PRDM5: variants seen among roughly 807,000 people sequenced by gnomAD.
The protein encoded by PRDM5 is PR domain zinc finger protein 5.
PRDM5 carries 56 observed loss-of-function variants against 81.2 expected under a neutral mutation model. The observed-to-expected ratio is 0.69, with a 90% CI of 0.56 to 0.86. The LOEUF is 0.86. Ranked by LOEUF, PRDM5 falls within the 40% of genes least tolerant of loss-of-function variation. The probability of loss-of-function intolerance (pLI) is 0.00; values close to 1 mark genes in which losing one functional copy is unlikely to be tolerated. For synonymous variants in PRDM5, 267 were observed against 256.4 expected (o/e 1.04, Z -0.39); for missense variants, 697 against 770.1 (o/e 0.91, Z 1.12).
At chr4:120,702,274 A>T (rs978417849) in intron 15 of PRDM5, among the ~76,000 whole-genome samples, 2 of 152,164 alleles carry the variant, frequency 1.3e-5, no homozygotes, top group Non-Finnish European at 2.9e-5. Flanking sequence ...TGCTACTTGT[A>T]AGGTAATCAC....
intron 2 of PRDM5, among the ~76,000 whole-genome samples, chr4:120,893,421 T>G (rs1011874837): frequency 1.3e-5 from 2 of 152,234 alleles, no homozygotes; most frequent in Non-Finnish European, 2.9e-5. Context: ...CTGTCAATGG[T>G]GCACATGAGC....
rs541883119 is a variant in PRDM5, at chr4:120,809,645, C to G, written c.945+1725G>C. Among the ~76,000 whole-genome samples, 27 of 152,202 alleles carry G rather than the reference C, an allele frequency of 1.8e-4. No individual in the cohort carries two copies. The South Asian group carries it at 5.4e-3, about 30-fold the overall frequency. On this transcript the variant is annotated intron_variant, in intron 8 of 15. Transcript: ENST00000264808. ...AGATAATAAATAGTAATTTAAGATA[C>G]TAGACTATAGTATAATTTGGCATTG...
Position 120,775,979 on chromosome 4 carries a change from G to A in PRDM5, c.1537+1209C>T, listed in dbSNP as rs73845498. On this transcript the variant is annotated intron_variant, in intron 13 of 15. Coordinates refer to ENST00000264808, the MANE Select transcript of PRDM5 (RefSeq NM_018699.4). ...CCATCAGTACCTGGTGCCACCGGCCGTTGGCACAATTTTAAGTACACCTGC... is the reference window on the plus strand; with the variant it reads ...CCATCAGTACCTGGTGCCACCGGCCATTGGCACAATTTTAAGTACACCTGC... Among the ~76,000 whole-genome samples, 1,339 of 152,138 alleles carry A rather than the reference G, an allele frequency of 8.8e-3. 23 individuals are homozygous for A. The highest frequency in any genetic ancestry group is 0.03 in the African/African-American group (1,255 of 41,522).
At chr4:120,737,679 T>C (rs1343475246) in intron 14 of PRDM5, among the ~76,000 whole-genome samples, 1 of 152,164 alleles carries the variant, frequency 6.6e-6, no homozygotes, top group Admixed American at 6.5e-5. Context: ...GTCAAGTCTT[T>C]AGTGAGAAGG....
At chr4:120,784,337 C>A (rs1749451673) in intron 11 of PRDM5, among the ~76,000 whole-genome samples, 1 of 152,028 alleles carries the variant, frequency 6.6e-6, no homozygotes, top group Non-Finnish European at 1.5e-5. Context: ...AAGAAGAAAT[C>A]TGAGACAGTA....
At chr4:120,691,337 A>T (rs1734039704), downstream of PRDM5, among the ~76,000 whole-genome samples, 1 of 152,266 alleles carries the variant, frequency 6.6e-6, no homozygotes, top group Admixed American at 6.5e-5. Context: ...AAGCTAGCTA[A>T]GGCTATGAGT....
chr4:120,744,607 G>C (rs192037209), intron 14 of PRDM5, among the ~76,000 whole-genome samples: 1 of 152,070 alleles, frequency 6.6e-6, no homozygotes, highest in Non-Finnish European at 1.5e-5. Flanking sequence ...ATATTACCAC[G>C]GATCCCACAG....
intron 14 of PRDM5, among the ~76,000 whole-genome samples, chr4:120,753,263 A>C (rs1744263384): frequency 6.6e-6 from 1 of 152,214 alleles, no homozygotes; most frequent in Admixed American, 6.5e-5. Flanking sequence ...CCTCTTTCAT[A>C]ATACTCATTG....
intron 7 of PRDM5, among the ~76,000 whole-genome samples, chr4:120,814,206 T>C (rs1341020343): frequency 6.6e-6 from 1 of 152,276 alleles, no homozygotes; most frequent in Admixed American, 6.5e-5. Context: ...GCTTAGCCCC[T>C]TCACTCTGTT....
intron 14 of PRDM5, among the ~76,000 whole-genome samples, chr4:120,741,247 T>A (rs1425337587): frequency 6.6e-6 from 1 of 152,082 alleles, no homozygotes; most frequent in East Asian, 1.9e-4. Flanking sequence ...GCTAGGAAAA[T>A]TATTCTTGCC....
At chr4:120,785,340 T>C (rs1401681041) in intron 10 of PRDM5, among the ~76,000 whole-genome samples, 4 of 152,232 alleles carry the variant, frequency 2.6e-5, no homozygotes, top group Admixed American at 2.6e-4. Context: ...ATATTCCTAT[T>C]ATCTCAAACT....
chr4:120,915,275 C>T (rs1050684565), intron 1 of PRDM5, among the ~76,000 whole-genome samples: 4 of 152,106 alleles, frequency 2.6e-5, no homozygotes, highest in Non-Finnish European at 5.9e-5. Flanking sequence ...TACCTGTGGC[C>T]AGTGCCCTAC....
At chr4:120,870,177 CTGCTGG>C (rs1761630272) in intron 2 of PRDM5, among the ~76,000 whole-genome samples, 1 of 151,898 alleles carries the variant, frequency 6.6e-6, no homozygotes, top group South Asian at 2.1e-4. Flanking sequence ...AAGTGGAGGC[CTGCTGG>C]TCTCAAACTC....
chr4:120,736,856 G>A (rs1387473221), intron 14 of PRDM5, among the ~76,000 whole-genome samples: 1 of 152,202 alleles, frequency 6.6e-6, no homozygotes, highest in East Asian at 1.9e-4. Context: ...CACAGATAGT[G>A]ACTAGTTGTA....
intron 15 of PRDM5, among the ~76,000 whole-genome samples, chr4:120,708,813 T>C (rs536208997): frequency 1.3e-5 from 2 of 152,004 alleles, no homozygotes; most frequent in South Asian, 4.2e-4. Flanking sequence ...GGAGAGAGAT[T>C]GGAGTGGGGT....
chr4:120,712,790 A>C (rs184339978), intron 14 of PRDM5, among the ~76,000 whole-genome samples: 3 of 152,346 alleles, frequency 2.0e-5, no homozygotes, highest in African/African-American at 7.2e-5. Flanking sequence ...CATATTTACT[A>C]ATTTTCAATG....
chr4:120,818,392 C>T lies in PRDM5; in HGVS notation c.611G>A (p.Cys204Tyr). The change falls in exon 5 of 16, where the codon TGT becomes TAT. Residue 204 changes from cysteine (C) to tyrosine (Y), a missense_variant. Physicochemically the swap from Cys to Tyr is radical, Grantham distance 194. This residue lies in a region of PRDM5 where 577 missense variants were observed against 606.7 expected (regional missense o/e 0.95). Transcript: ENST00000264808. The part of the protein sequence containing the change: ...TEEKEFKCKN[C>Y]GKKFPVKQAL... ...CTGCTTAACTGGGAATTTCTTCCCACAGTTCTTGCACTTAAATTCTTTCTC... is the reference window on the plus strand; with the variant it reads ...CTGCTTAACTGGGAATTTCTTCCCATAGTTCTTGCACTTAAATTCTTTCTC... 2 of 1,614,080 alleles carry T rather than the reference C, an allele frequency of 1.2e-6. No homozygotes were observed. Among genetic ancestry groups the T allele is most frequent in the Non-Finnish European group, 1.7e-6 (2 of 1,179,968 alleles).
intron 2 of PRDM5, among the ~76,000 whole-genome samples, chr4:120,879,798 A>G (rs2148576924): frequency 6.6e-6 from 1 of 152,192 alleles, no homozygotes. Flanking sequence ...TCAATTGATT[A>G]TGAGATTCTG....
intron 13 of PRDM5, among the ~76,000 whole-genome samples, chr4:120,760,791 G>A (rs146873949): frequency 0.02 from 2,994 of 151,848 alleles, 39 homozygotes; most frequent in Middle Eastern, 0.034. Flanking sequence ...TACTGTCCTG[G>A]GCTTTGAGAA....
Sources: gnomAD v4.1 joint callset for allele counts (sites outside exome capture counted in the v4.1 genomes callset) on GRCh38, gnomAD v4.1.1 for gene constraint, gnomAD v4.1.1 regional missense constraint, MANE v1.5 for transcripts, NCBI Gene and HGNC (gene_info 2026-07-23, HGNC 2026-07-21) for gene names.